ST3GAL3: variants seen among roughly 807,000 people sequenced by gnomAD.
The protein encoded by ST3GAL3 is ST3 beta-galactoside alpha-2,3-sialyltransferase 3.
ST3GAL3 carries 21 observed loss-of-function variants against 50.1 expected under a neutral mutation model. That is an observed-to-expected ratio of 0.42 (90% CI 0.30 to 0.60). The LOEUF (loss-of-function observed/expected upper bound fraction) is 0.60. ST3GAL3 is among the 20% of genes least tolerant of loss of function. The pLI is 0.19. For missense variants in ST3GAL3, 353 were observed against 489.4 expected, an observed-to-expected ratio of 0.72 and a Z score of 2.63; for synonymous variants, 183 against 190.0, an observed-to-expected ratio of 0.96 and a Z score of 0.30.
At chr1:43,805,741 T>C (rs990302689) in intron 3 of ST3GAL3, among the ~76,000 whole-genome samples, 1 of 152,144 alleles carries the variant, frequency 6.6e-6, no homozygotes. Context: ...TCTTCTTTTT[T>C]TTCTTTTCTT....
intron 3 of ST3GAL3, among the ~76,000 whole-genome samples, chr1:43,798,933 G>A (rs1388598199): frequency 1.3e-5 from 2 of 152,222 alleles, no homozygotes; most frequent in African/African-American, 4.8e-5. Context: ...ATTAAGGAGT[G>A]CTTGAGGTCA....
chr1:43,921,358 A>C, intron 11 of ST3GAL3: 1 of 456,590 alleles, frequency 2.2e-6, no homozygotes, highest in Non-Finnish European at 3.8e-6. Context: ...CATACCCCGA[A>C]TTGCTTCCCA....
intron 1 of ST3GAL3, among the ~76,000 whole-genome samples, chr1:43,724,084 G>A (rs181314609): frequency 1.3e-5 from 2 of 152,116 alleles, no homozygotes; most frequent in Admixed American, 1.3e-4. Context: ...GTGTGTATAT[G>A]TAATATATGT....
At chr1:43,909,494 C>T (rs2080417189) in intron 9 of ST3GAL3, among the ~76,000 whole-genome samples, 1 of 152,210 alleles carries the variant, frequency 6.6e-6, no homozygotes, top group Admixed American at 6.5e-5. Context: ...TCTTTTTGTT[C>T]ATCGCTTTTT....
At chr1:43,839,882 A>G (rs1243969527) in intron 5 of ST3GAL3, 2 of 152,196 alleles carry the variant, frequency 1.3e-5, no homozygotes, top group Non-Finnish European at 2.9e-5. Flanking sequence ...AGTGCTACGC[A>G]CTTTTAAACA....
chr1:43,713,666 TACCACA>T (rs1168062890), intron 1 of ST3GAL3, among the ~76,000 whole-genome samples: 2 of 151,670 alleles, frequency 1.3e-5, no homozygotes, highest in Non-Finnish European at 2.9e-5. Context: ...AGATAGCTGG[TACCACA>T]GGCACTCACG....
At chr1:43,783,917 T>G (rs1445047383) in intron 2 of ST3GAL3, among the ~76,000 whole-genome samples, 1 of 152,204 alleles carries the variant, frequency 6.6e-6, no homozygotes, top group Admixed American at 6.5e-5. Context: ...GGTGACTCAC[T>G]TTTTAAAAAT....
chr1:43,893,253 T>C (rs535728821), intron 5 of ST3GAL3, among the ~76,000 whole-genome samples: 1 of 152,326 alleles, frequency 6.6e-6, no homozygotes, highest in East Asian at 1.9e-4. Flanking sequence ...CCCTGCAGCC[T>C]CCAGTTATTC....
At chr1:43,753,293 G>A (rs1686875038) in intron 2 of ST3GAL3, among the ~76,000 whole-genome samples, 1 of 152,192 alleles carries the variant, frequency 6.6e-6, no homozygotes, top group South Asian at 2.1e-4. Context: ...TAGTGGTATA[G>A]GGCTCAGAGT....
intron 5 of ST3GAL3, among the ~76,000 whole-genome samples, chr1:43,887,498 A>G (rs1332685431): frequency 6.6e-6 from 1 of 152,190 alleles, no homozygotes; most frequent in Non-Finnish European, 1.5e-5. Context: ...TTCAGAGAGT[A>G]TTGGAGATTA....
At chr1:43,812,203 A>T (rs1160569486) in intron 3 of ST3GAL3, among the ~76,000 whole-genome samples, 2 of 152,142 alleles carry the variant, frequency 1.3e-5, no homozygotes, top group East Asian at 3.8e-4. Flanking sequence ...GCCAATGTTT[A>T]TAAACTTAGA....
At chr1:43,885,324 C>T (rs1274722068) in intron 5 of ST3GAL3, among the ~76,000 whole-genome samples, 4 of 152,200 alleles carry the variant, frequency 2.6e-5, no homozygotes, top group Non-Finnish European at 1.5e-5. Flanking sequence ...GCTGTAGGAT[C>T]TAAGGAGAAA....
chr1:43,925,638 TCTC>T (rs1409802140), intron 11 of ST3GAL3, among the ~76,000 whole-genome samples: 1 of 152,218 alleles, frequency 6.6e-6, no homozygotes, highest in East Asian at 1.9e-4. Context: ...CACCTTGGCT[TCTC>T]CTCACTTCAC....
rs184559461 is a variant in ST3GAL3, at chr1:43,782,966, T to G, written c.119-9136T>G. ...TTACAGGATGCTGCCCCAAACCTCA[T>G]AGGGGGATGTTAAATAATATATGGT... On this transcript the variant is annotated intron_variant, in intron 2 of 11. Coordinates refer to ENST00000347631, the MANE Select transcript of ST3GAL3 (RefSeq NM_006279.5). 4.6e-3 allele frequency among the ~76,000 whole-genome samples: 695 copies of G among 152,274 alleles called. 7 individuals carry two copies. The highest frequency in any genetic ancestry group is 0.018 in the South Asian group (89 of 4,824).
rs897890684 is a variant in ST3GAL3, at chr1:43,900,162, C to G, written c.744+435C>G. On this transcript the variant is annotated intron_variant, in intron 9 of 11. Coordinates refer to ENST00000347631, the MANE Select transcript of ST3GAL3 (RefSeq NM_006279.5). ...CCCTCTTCTCCTCTGTAAGGTCTCT[C>G]TGGCTCTGGTCTTAGGGGTCCCTGC... 5.9e-5 allele frequency among the ~76,000 whole-genome samples: 9 copies of G among 152,356 alleles called. No homozygotes were observed. The East Asian group carries it at 1.5e-3, about 26-fold the overall frequency.
In ST3GAL3 at chr1:43,890,437, A is replaced by C. The variant is rs2076539985; in HGVS notation, c.303-3946A>C. Reference sequence around the variant, plus strand: ...TTTAAAAATATATACACCGGAGGAAAAAATGAGTTCCCTTTGCAAAGAGAT... The same window carrying C: ...TTTAAAAATATATACACCGGAGGAACAAATGAGTTCCCTTTGCAAAGAGAT... On this transcript the variant is annotated intron_variant, in intron 5 of 11. Transcript: ENST00000347631. Among the ~76,000 whole-genome samples, 7 of 152,344 alleles carry C rather than the reference A, an allele frequency of 4.6e-5. No homozygotes were observed. The South Asian group carries it at 1.4e-3, about 32-fold the overall frequency.
chr1:43,816,763 T>C (rs1209757490), intron 4 of ST3GAL3, among the ~76,000 whole-genome samples: 1 of 152,242 alleles, frequency 6.6e-6, no homozygotes, highest in Non-Finnish European at 1.5e-5. Flanking sequence ...TTCTTTGAAC[T>C]ATGTGAGTTA....
At chr1:43,905,615 C>T (rs1401070551) in intron 9 of ST3GAL3, among the ~76,000 whole-genome samples, 1 of 19,780 alleles carries the variant, frequency 5.1e-5, no homozygotes, top group Non-Finnish European at 1.5e-4. Flanking sequence ...TCTCCCCCTC[C>T]TCCTGCTTCT....
chr1:43,875,493 T>C (rs2073878289), intron 5 of ST3GAL3, among the ~76,000 whole-genome samples: 1 of 152,162 alleles, frequency 6.6e-6, no homozygotes, highest in African/African-American at 2.4e-5. Context: ...TATTTCATCT[T>C]GAATTGTAAT....
Sources: allele counts gnomAD v4.1 joint callset (sites outside exome capture counted in the v4.1 genomes callset), GRCh38; gene constraint gnomAD v4.1.1; transcripts MANE v1.5; gene names NCBI Gene and HGNC (gene_info 2026-07-23, HGNC 2026-07-21).